The following BCL2L13 variants were observed in gnomAD, a reference collection of about 807,000 sequenced individuals.
The protein encoded by BCL2L13 is bcl-2-like protein 13.
BCL2L13 carries 13 observed loss-of-function variants against 25.8 expected under a neutral mutation model. The ratio of observed to expected loss-of-function variants is 0.50; its 90% confidence interval spans 0.33 to 0.80. BCL2L13 has a LOEUF of 0.80. Ranked by LOEUF, BCL2L13 falls within the 30% of genes least tolerant of loss-of-function variation. The pLI is 0.02. For synonymous variants in BCL2L13, 244 were observed against 230.3 expected (o/e 1.06, Z -0.54); for missense variants, 504 against 574.9 (o/e 0.88, Z 1.26).
rs746716614 is a variant in BCL2L13 at position 17,726,789 on chromosome 22, CAG to C, written c.716_717del (p.Glu239ValfsTer11). 1 of 1,614,214 alleles carries C rather than the reference CAG, an allele frequency of 6.2e-7. No homozygotes were observed. Among genetic ancestry groups the C allele is most frequent in the South Asian group, 1.1e-5 (1 of 91,076 alleles). On this transcript the variant is annotated frameshift_variant, in exon 7 of 7. Transcript: ENST00000317582. LOFTEE classifies it low-confidence loss of function (END_TRUNC). ...GACAACTCTGGACAAGTCAGTCCCC[CAG>C]AGTCTCCAACTGTGACCACTTCCTG...
At chr22:17,725,098 T>C (rs752188494) in intron 6 of BCL2L13, among the ~76,000 whole-genome samples, 74 of 152,360 alleles carry the variant, frequency 4.9e-4, no homozygotes, top group Non-Finnish European at 7.6e-4. Flanking sequence ...CTTTATTGCT[T>C]TCACTCAGAC....
intron 1 of BCL2L13, among the ~76,000 whole-genome samples, chr22:17,631,646 G>A (rs1470596136): frequency 3.2e-5 from 2 of 63,470 alleles, no homozygotes; most frequent in Non-Finnish European, 5.9e-5. Flanking sequence ...GGAATGGTAC[G>A]TGTGTGTATG....
chr22:17,729,236 G>A lies in BCL2L13; in HGVS notation c.*1702G>A, dbSNP rs190149124. The A allele has an allele frequency of 6.6e-6, 1 of 152,252 alleles. No homozygotes were observed. Among genetic ancestry groups the A allele is most frequent in the East Asian group, 1.9e-4 (1 of 5,176 alleles). The allele number at this position is 152,252 out of a possible 1,614,324, so 9.4% of individuals were successfully genotyped here. A position where few individuals can be genotyped will look rare whatever the true frequency, so the allele number is the denominator to read the frequency against. On this transcript the variant is annotated 3_prime_UTR_variant, in exon 7 of 7. Transcript: ENST00000317582. ...AAAAATTGGTCAAAACAAGGTCTGGGAGTATGTTTGTGTGTCTTTCCAGCT... is the reference window on the plus strand; with the variant it reads ...AAAAATTGGTCAAAACAAGGTCTGGAAGTATGTTTGTGTGTCTTTCCAGCT...
At chr22:17,706,921 G>A (rs1474464084) in intron 6 of BCL2L13, 11 of 947,102 alleles carry the variant, frequency 1.2e-5, no homozygotes, top group Non-Finnish European at 1.2e-5. Context: ...TGGAGGGAAT[G>A]TCATCTGTCT....
chr22:17,661,758 A>C (rs983890480), intron 2 of BCL2L13, among the ~76,000 whole-genome samples: 1 of 145,264 alleles, frequency 6.9e-6, no homozygotes, highest in Non-Finnish European at 1.6e-5. Context: ...TTGGGAGGCC[A>C]AGGCAGCCAG....
chr22:17,668,823 T>G (rs983058908), intron 2 of BCL2L13, among the ~76,000 whole-genome samples: 1 of 152,160 alleles, frequency 6.6e-6, no homozygotes, highest in Non-Finnish European at 1.5e-5. Context: ...GATAAGTTCT[T>G]CTGCATAGTA....
chr22:17,704,200 C>A (rs888607911), intron 6 of BCL2L13, among the ~76,000 whole-genome samples: 4 of 152,150 alleles, frequency 2.6e-5, no homozygotes, highest in African/African-American at 9.7e-5. Flanking sequence ...ATTCTTGTGC[C>A]TCAGCCTCCT....
At chr22:17,687,818 C>CT (rs368432610) in intron 3 of BCL2L13, among the ~76,000 whole-genome samples, 84,684 of 130,660 alleles carry the variant, frequency 0.65, 27,888 homozygotes, top group East Asian at 0.82. Context: ...CACCCGGCCC[C>CT]TTTTTTTTTT....
chr22:17,643,922 A>G (rs1418275224), intron 1 of BCL2L13, among the ~76,000 whole-genome samples: 1 of 137,148 alleles, frequency 7.3e-6, no homozygotes, highest in Non-Finnish European at 1.6e-5. Flanking sequence ...CAACTTTTTT[A>G]TTTTGAGACA....
rs560082372 is a variant in BCL2L13, at chr22:17,661,714, G to A, written c.121+5882G>A. Among the ~76,000 whole-genome samples, 16 of 145,880 alleles carry A rather than the reference G, an allele frequency of 1.1e-4. No individual in the cohort carries two copies. The East Asian group carries it at 3.1e-3, about 28-fold the overall frequency. On this transcript the variant is annotated intron_variant, in intron 2 of 6. Coordinates refer to ENST00000317582, the MANE Select transcript of BCL2L13 (RefSeq NM_015367.4). ...GATTAGAATTGCATAATTATGTGCC[G>A]GGTGTGGTGGCTCACACCTGTGATC...
chr22:17,657,456 C>T (rs527277473), intron 2 of BCL2L13, among the ~76,000 whole-genome samples: 3 of 152,258 alleles, frequency 2.0e-5, no homozygotes, highest in African/African-American at 7.2e-5. Context: ...CCATATCTCA[C>T]TATCATTTTC....
intron 4 of BCL2L13, among the ~76,000 whole-genome samples, chr22:17,693,300 C>T (rs559717592): frequency 1.3e-5 from 2 of 150,408 alleles, no homozygotes; most frequent in African/African-American, 2.4e-5. Context: ...TCATAGGTCA[C>T]AGTGGACAGA....
intron 2 of BCL2L13, among the ~76,000 whole-genome samples, chr22:17,673,732 G>C (rs2059491164): frequency 6.6e-6 from 1 of 151,660 alleles, no homozygotes; most frequent in Non-Finnish European, 1.5e-5. Context: ...TGATAACTTT[G>C]TATTTTTTAT....
intron 5 of BCL2L13, among the ~76,000 whole-genome samples, chr22:17,700,938 G>A (rs925741568): frequency 6.6e-6 from 1 of 152,064 alleles, no homozygotes; most frequent in Non-Finnish European, 1.5e-5. Context: ...GTATTTTGTC[G>A]TCCCTCAGTT....
chr22:17,666,970 C>T (rs997631893), intron 2 of BCL2L13, among the ~76,000 whole-genome samples: 2 of 152,042 alleles, frequency 1.3e-5, no homozygotes, highest in Admixed American at 1.3e-4. Flanking sequence ...CAGGTGATCT[C>T]ATTGTTTTTA....
At chr22:17,664,268 A>T (rs756925936) in intron 2 of BCL2L13, among the ~76,000 whole-genome samples, 42 of 152,170 alleles carry the variant, frequency 2.8e-4, no homozygotes, top group Non-Finnish European at 4.6e-4. Flanking sequence ...TACAGGTGTG[A>T]GCCACCGTGC....
chr22:17,709,708 C>A (rs1452282563), intron 6 of BCL2L13, among the ~76,000 whole-genome samples: 1 of 152,078 alleles, frequency 6.6e-6, no homozygotes, highest in Non-Finnish European at 1.5e-5. Flanking sequence ...TCTCTTGAAC[C>A]CAGGTTGCAG....
intron 4 of BCL2L13, chr22:17,695,872 T>C: frequency 3.0e-6 from 1 of 337,834 alleles, no homozygotes; most frequent in Admixed American, 4.0e-5. Flanking sequence ...TCCTATCCTG[T>C]AAGTTCCAAG....
chr22:17,677,089 G>T (rs1388824102), intron 2 of BCL2L13, among the ~76,000 whole-genome samples: 1 of 152,204 alleles, frequency 6.6e-6, no homozygotes, highest in Non-Finnish European at 1.5e-5. Flanking sequence ...GGAGGCAGAG[G>T]CAGGAGGATG....
Sources: gnomAD v4.1 joint callset for allele counts (sites outside exome capture counted in the v4.1 genomes callset) on GRCh38, gnomAD v4.1.1 for gene constraint, MANE v1.5 for transcripts, NCBI Gene and HGNC (gene_info 2026-07-23, HGNC 2026-07-21) for gene names.